The following DPP6 variants were observed in gnomAD, a reference collection of about 807,000 sequenced individuals.
The protein encoded by DPP6 is dipeptidyl peptidase like 6, also known as A-type potassium channel modulatory protein DPP6.
In DPP6, 69 loss-of-function variants were observed where a neutral mutation model predicts 122.6. That is an observed-to-expected ratio of 0.56 (90% CI 0.46 to 0.69). The LOEUF (loss-of-function observed/expected upper bound fraction) is 0.69. DPP6 is among the 30% of genes least tolerant of loss of function. The pLI, the probability that DPP6 is intolerant of heterozygous loss-of-function variation, is 0.00. For missense variants in DPP6, 928 were observed against 1,116.9 expected (o/e 0.83, Z 2.41); for synonymous variants, 418 against 433.1 (o/e 0.97, Z 0.43).
At chr7:154,070,268 C>A (rs2150507179) in intron 1 of DPP6, among the ~76,000 whole-genome samples, 2 of 150,496 alleles carry the variant, frequency 1.3e-5, no homozygotes, top group Admixed American at 1.3e-4. Context: ...GCAGAAAGAG[C>A]TTCTTAGGCA....
intron 1 of DPP6, among the ~76,000 whole-genome samples, chr7:154,174,137 C>T (rs552357290): frequency 2.0e-5 from 3 of 152,248 alleles, no homozygotes; most frequent in African/African-American, 7.2e-5. Flanking sequence ...TGGTTATGAC[C>T]GGGGGACCTG....
the DPP6 span, among the ~76,000 whole-genome samples, chr7:153,812,872 T>C: frequency 6.6e-6 from 1 of 152,024 alleles, no homozygotes; most frequent in Non-Finnish European, 1.5e-5. Flanking sequence ...TAAATGGAAA[T>C]ATACAACCTA....
At chr7:154,179,927 G>A (rs943560848) in intron 1 of DPP6, among the ~76,000 whole-genome samples, 1 of 152,046 alleles carries the variant, frequency 6.6e-6, no homozygotes, top group Non-Finnish European at 1.5e-5. Flanking sequence ...AAAAATGACC[G>A]ACAATTCTTG....
At position 154,340,030 on chromosome 7, in the gene DPP6, G is replaced by A. The variant is rs528801386; in HGVS notation, c.244-106184G>A. Among the ~76,000 whole-genome samples the A allele has an allele frequency of 4.6e-5, 7 of 151,902 alleles. No individual in the cohort carries two copies. In the South Asian group the frequency reaches 1.2e-3, roughly 27 times the overall value. ...AGAGTTTGCAGTGAGCCAAGATTGC[G>A]CCACTGCACTCCAGCCTGGGTGACA... On this transcript the variant is annotated intron_variant, in intron 1 of 25. Coordinates refer to ENST00000377770, the MANE Select transcript of DPP6 (RefSeq NM_130797.4).
chr7:154,509,323 C>A (rs1329171462), intron 3 of DPP6, among the ~76,000 whole-genome samples: 1 of 152,138 alleles, frequency 6.6e-6, no homozygotes, highest in Non-Finnish European at 1.5e-5. Flanking sequence ...GGCACAAAAT[C>A]TGAGGAGACA....
At chr7:153,941,256 G>T (rs1362862507) in intron 1 of DPP6, among the ~76,000 whole-genome samples, 1 of 152,210 alleles carries the variant, frequency 6.6e-6, no homozygotes, top group East Asian at 1.9e-4. Context: ...GTTGGCACCA[G>T]ACAGCCTCGG....
chr7:154,576,191 T>G, intron 5 of DPP6, among the ~76,000 whole-genome samples: 1 of 152,094 alleles, frequency 6.6e-6, no homozygotes. Flanking sequence ...CCCATCCCGC[T>G]GGTCTGCACA....
intron 3 of DPP6, among the ~76,000 whole-genome samples, chr7:154,504,707 A>G (rs879638404): frequency 1.3e-5 from 2 of 152,154 alleles, no homozygotes; most frequent in African/African-American, 4.8e-5. Flanking sequence ...GCCTTTCTTA[A>G]CTAAAAATAT....
chr7:153,804,528 C>G, the DPP6 span, among the ~76,000 whole-genome samples: 3 of 152,110 alleles, frequency 2.0e-5, no homozygotes, highest in Non-Finnish European at 4.4e-5. Flanking sequence ...TACATCAAAA[C>G]CTGTAGCATG....
chr7:154,747,610 G>A (rs1348896871), intron 8 of DPP6, among the ~76,000 whole-genome samples: 1 of 152,130 alleles, frequency 6.6e-6, no homozygotes, highest in African/African-American at 2.4e-5. Context: ...GCGAAGTGTA[G>A]CTGACTCCTA....
chr7:153,989,494 C>G lies in DPP6; in HGVS notation c.51+101760C>G, dbSNP rs574991991. On this transcript the variant is annotated intron_variant, in intron 1 of 25. Coordinates refer to the DPP6 transcript ENST00000404039. ...TGGCCGCTGTCCTGGGAGCAGGGCA[C>G]CAGGGCACCCTGCGAGTTTTCACCT... 5.3e-4 allele frequency among the ~76,000 whole-genome samples: 81 copies of G among 151,696 alleles called. 1 individual carries two copies. Among genetic ancestry groups the G allele is most frequent in the Admixed American group, 3.6e-3 (55 of 15,238 alleles).
chr7:154,066,281 A>G (rs912192427), intron 1 of DPP6, among the ~76,000 whole-genome samples: 21 of 152,126 alleles, frequency 1.4e-4, no homozygotes, highest in Non-Finnish European at 7.3e-5. Flanking sequence ...GCTGGTGTTG[A>G]ACTCCTGGCC....
At chr7:154,780,592 G>A (rs1339032471) in intron 10 of DPP6, among the ~76,000 whole-genome samples, 1 of 152,230 alleles carries the variant, frequency 6.6e-6, no homozygotes, top group Non-Finnish European at 1.5e-5. Flanking sequence ...CACTGGACAA[G>A]GTTTGCCAAG....
intron 2 of DPP6, among the ~76,000 whole-genome samples, chr7:154,450,030 AAAT>A (rs1820224813): frequency 6.6e-6 from 1 of 150,926 alleles, no homozygotes; most frequent in Admixed American, 6.6e-5. Flanking sequence ...ATAAATAAAT[AAAT>A]AAATAAATAA....
intron 1 of DPP6, among the ~76,000 whole-genome samples, chr7:154,288,637 A>G (rs1369762523): frequency 1.3e-5 from 2 of 152,252 alleles, no homozygotes; most frequent in African/African-American, 4.8e-5. Flanking sequence ...CATGATTCAT[A>G]TAAAGCAATT....
At chr7:154,346,975 A>G (rs968312161) in intron 1 of DPP6, among the ~76,000 whole-genome samples, 1 of 152,204 alleles carries the variant, frequency 6.6e-6, no homozygotes, top group Non-Finnish European at 1.5e-5. Flanking sequence ...TGTGAGAAAG[A>G]TAATACAGGA....
chr7:154,883,487 CACACATGCTCAGACACATGCTCACCCAT>C (rs927185930), intron 21 of DPP6: 1 of 150,120 alleles, frequency 6.7e-6, no homozygotes, highest in Non-Finnish European at 1.5e-5. Flanking sequence ...CACATGCTCT[CACACATGCTCAGACACATGCTCACCCAT>C]ACACATGCTC....
chr7:154,655,960 G>A (rs1837212365), intron 6 of DPP6, among the ~76,000 whole-genome samples: 1 of 152,208 alleles, frequency 6.6e-6, no homozygotes, highest in African/African-American at 2.4e-5. Flanking sequence ...CGCTTCCTAG[G>A]GCTGCGGTGA....
intron 1 of DPP6, among the ~76,000 whole-genome samples, chr7:154,214,583 C>T (rs1263858750): frequency 6.6e-6 from 1 of 152,216 alleles, no homozygotes; most frequent in African/African-American, 2.4e-5. Context: ...TGCTTAAACA[C>T]TCCAAGTTTG....
Sources: gnomAD v4.1 joint callset for allele counts (sites outside exome capture counted in the v4.1 genomes callset) on GRCh38, gnomAD v4.1.1 for gene constraint, MANE v1.5 for transcripts, NCBI Gene and HGNC (gene_info 2026-07-23, HGNC 2026-07-21) for gene names.